The following IMMP2L variants were observed in gnomAD, a reference collection of about 807,000 sequenced individuals.
IMMP2L encodes mitochondrial inner membrane protease subunit 2.
In IMMP2L, 18 loss-of-function variants were observed where a neutral mutation model predicts 19.3. The observed-to-expected ratio is 0.93, with a 90% CI of 0.64 to 1.38. The LOEUF is 1.38. Among genes scored for constraint, IMMP2L ranks in the 40% most tolerant of loss-of-function variants. The pLI, the probability that IMMP2L is intolerant of heterozygous loss-of-function variation, is 0.00. For synonymous variants in IMMP2L, 76 were observed against 73.0 expected, an observed-to-expected ratio of 1.04 and a Z score of -0.21; for missense variants, 233 against 218.2, an observed-to-expected ratio of 1.07 and a Z score of -0.43.
chr7:110,688,314 A>G (rs565686154), intron 5 of IMMP2L, among the ~76,000 whole-genome samples: 4 of 152,236 alleles, frequency 2.6e-5, no homozygotes, highest in Admixed American at 1.3e-4. Context: ...CTCATCACCA[A>G]TTTGAACCTG....
chr7:111,433,258 C>T (rs1213305014), intron 3 of IMMP2L, among the ~76,000 whole-genome samples: 1 of 151,720 alleles, frequency 6.6e-6, no homozygotes, highest in Non-Finnish European at 1.5e-5. Flanking sequence ...TGGGGGAAAC[C>T]ACCCCAGTAT....
chr7:111,233,042 C>T (rs748352369), intron 3 of IMMP2L, among the ~76,000 whole-genome samples: 1 of 152,122 alleles, frequency 6.6e-6, no homozygotes, highest in African/African-American at 2.4e-5. Context: ...AGACTATAAA[C>T]TGCTTCAGGT....
At chr7:110,750,256 GT>G (rs34823317) in intron 5 of IMMP2L, among the ~76,000 whole-genome samples, 10 of 151,674 alleles carry the variant, frequency 6.6e-5, no homozygotes, top group African/African-American at 2.4e-4. Flanking sequence ...AGCTGTAAGA[GT>G]TTTTTTTGTC....
At chr7:111,535,741 C>T (rs530505129) in intron 1 of IMMP2L, among the ~76,000 whole-genome samples, 34 of 152,142 alleles carry the variant, frequency 2.2e-4, no homozygotes, top group African/African-American at 8.0e-4. Context: ...CATTGTAGGA[C>T]TCAGCAAATG....
At chr7:110,820,048 A>G (rs938664258) in intron 5 of IMMP2L, among the ~76,000 whole-genome samples, 4 of 152,012 alleles carry the variant, frequency 2.6e-5, no homozygotes, top group Admixed American at 2.0e-4. Context: ...TTTTATTTGG[A>G]ACCACTTATT....
intron 3 of IMMP2L, among the ~76,000 whole-genome samples, chr7:111,140,795 C>A (rs1270365632): frequency 6.6e-6 from 1 of 152,080 alleles, no homozygotes; most frequent in South Asian, 2.1e-4. Flanking sequence ...GACTGTTCGG[C>A]CATTTAAGAA....
chr7:111,493,510 G>A (rs1392449165), intron 2 of IMMP2L, among the ~76,000 whole-genome samples: 2 of 151,818 alleles, frequency 1.3e-5, no homozygotes, highest in Non-Finnish European at 2.9e-5. Context: ...AGACCATCCT[G>A]GCTAACACGG....
chr7:110,820,488 T>A (rs927796223), intron 5 of IMMP2L, among the ~76,000 whole-genome samples: 11 of 151,936 alleles, frequency 7.2e-5, no homozygotes, highest in African/African-American at 2.7e-4. Flanking sequence ...GAATACTGGG[T>A]GGTCTGCAAC....
chr7:111,381,459 A>C (rs983995185), intron 3 of IMMP2L, among the ~76,000 whole-genome samples: 3 of 152,034 alleles, frequency 2.0e-5, no homozygotes, highest in African/African-American at 4.8e-5. Context: ...TATTATTATA[A>C]TCAATACCAC....
At chr7:111,207,980 A>G (rs998560347) in intron 3 of IMMP2L, among the ~76,000 whole-genome samples, 2 of 152,100 alleles carry the variant, frequency 1.3e-5, no homozygotes, top group African/African-American at 4.8e-5. Context: ...ATTGCCCATC[A>G]TTTCACACAT....
intron 4 of IMMP2L, among the ~76,000 whole-genome samples, chr7:110,910,131 G>A (rs887959496): frequency 6.6e-6 from 1 of 152,132 alleles, no homozygotes; most frequent in Non-Finnish European, 1.5e-5. Context: ...ACAGTATACA[G>A]GAACGATGCA....
chr7:111,152,352 A>T (rs1041505427), intron 3 of IMMP2L, among the ~76,000 whole-genome samples: 3 of 152,044 alleles, frequency 2.0e-5, no homozygotes, highest in African/African-American at 7.2e-5. Context: ...CTTATGTATA[A>T]CTTTTCCTTA....
intron 3 of IMMP2L, among the ~76,000 whole-genome samples, chr7:111,346,311 C>T (rs978848654): frequency 6.6e-6 from 1 of 152,082 alleles, no homozygotes; most frequent in Non-Finnish European, 1.5e-5. Flanking sequence ...TCCACTATGC[C>T]CTAACCCTTG....
chr7:111,006,560 C>G (rs1219689737), intron 3 of IMMP2L, among the ~76,000 whole-genome samples: 2 of 152,218 alleles, frequency 1.3e-5, no homozygotes, highest in South Asian at 2.1e-4. Context: ...ACTAGGAAAA[C>G]CATATTTCCC....
chr7:111,509,666 G>A lies in IMMP2L; in HGVS notation c.135+11647C>T, dbSNP rs1055678474. On this transcript the variant is annotated intron_variant, in intron 2 of 5. Coordinates refer to ENST00000405709, the MANE Select transcript of IMMP2L (RefSeq NM_032549.4). ...CATGAAACTTTTGTTCCAGTTGCAT[G>A]TATGTGTGTATAGTGCAAAATATAT... 3.3e-5 allele frequency among the ~76,000 whole-genome samples: 5 copies of A among 152,246 alleles called. No homozygotes were observed. The East Asian group carries it at 9.7e-4, about 29-fold the overall frequency.
chr7:111,152,943 T>C (rs1240786502), intron 3 of IMMP2L, among the ~76,000 whole-genome samples: 3 of 152,098 alleles, frequency 2.0e-5, no homozygotes, highest in Non-Finnish European at 4.4e-5. Context: ...GATGAATGGA[T>C]AGCTGGATAA....
At chr7:111,192,033 G>T (rs1422766591) in intron 3 of IMMP2L, among the ~76,000 whole-genome samples, 2 of 151,992 alleles carry the variant, frequency 1.3e-5, no homozygotes. Context: ...AGTCGCACTG[G>T]CACAGAGCAA....
In IMMP2L at chr7:111,519,354, C is replaced by A. The variant is rs369646666; in HGVS notation, c.135+1959G>T. ...CCTTCCTTGTGTGTATATAATAAGC[C>A]TTCCAATAAATCCCCTTTATACCAA... is the stretch of plus-strand genomic sequence containing the variant. On this transcript the variant is annotated intron_variant, in intron 2 of 5. Coordinates refer to ENST00000405709, the MANE Select transcript of IMMP2L (RefSeq NM_032549.4). Among the ~76,000 whole-genome samples, 5 of 152,132 alleles carry A rather than the reference C, an allele frequency of 3.3e-5. No individual in the cohort carries two copies. In the East Asian group the frequency reaches 5.8e-4, roughly 18 times the overall value.
chr7:111,442,124 G>A lies in IMMP2L; in HGVS notation c.239+45114C>T, dbSNP rs147999314. ...TGGTACTCCAGCCTGCTGACAGAGC[G>A]AGACTCCATCTCAAAAAAAAAAGCT... is the stretch of plus-strand genomic sequence containing the variant. On this transcript the variant is annotated intron_variant, in intron 3 of 5. Coordinates refer to ENST00000405709, the MANE Select transcript of IMMP2L (RefSeq NM_032549.4). Among the ~76,000 whole-genome samples, 741 of 151,364 alleles carry A rather than the reference G, an allele frequency of 4.9e-3. 28 individuals carry two copies. The highest frequency in any genetic ancestry group is 0.017 in the African/African-American group (702 of 40,954).
Sources: gnomAD v4.1 joint callset for allele counts (sites outside exome capture counted in the v4.1 genomes callset) on GRCh38, gnomAD v4.1.1 for gene constraint, MANE v1.5 for transcripts, NCBI Gene and HGNC (gene_info 2026-07-23, HGNC 2026-07-21) for gene names.